The following GSN variants were observed in gnomAD, a reference collection of about 807,000 sequenced individuals.
GSN encodes the protein gelsolin.
Under a neutral mutation model 85.7 loss-of-function variants are expected in GSN, and 56 were observed. The observed-to-expected ratio is 0.65, with a 90% CI of 0.53 to 0.82. The LOEUF (loss-of-function observed/expected upper bound fraction) is 0.82, where lower values mean the gene tolerates loss of function less well. GSN is among the 40% of genes least tolerant of loss of function. GSN has a pLI of 0.00. For missense variants in GSN, 857 were observed against 979.8 expected (o/e 0.87, Z 1.67); for synonymous variants, 373 against 399.1 (o/e 0.93, Z 0.78).
At chr9:121,302,338 C>G (rs2059972680) in intron 3 of GSN, among the ~76,000 whole-genome samples, 171 bp downstream of exon 3, 1 of 152,190 alleles carries the variant, frequency 6.6e-6, no homozygotes, top group South Asian at 2.1e-4. Flanking sequence ...AAGTTCACAC[C>G]CCCACTCTGC....
In GSN at chr9:121,314,054, A is replaced by C. The variant is rs200578389; in HGVS notation, c.753+31A>C. On this transcript the variant is annotated intron_variant, in intron 7 of 17. Transcript: ENST00000432226. ...CACCAGATGCACTGTCTGCCTGGGC[A>C]TGGGGTCAGGACAGGGAGGTGGAAG... The C allele has an allele frequency of 1.0e-3, 1,599 of 1,535,758 alleles. 1 individual carries two copies. Among genetic ancestry groups the C allele is most frequent in the Non-Finnish European group, 1.4e-3 (1,520 of 1,108,108 alleles).
Position 121,301,970 on chromosome 9 carries a change from G to A in GSN, c.-2G>A, listed in dbSNP as rs777717306. On this transcript the variant is annotated 5_prime_UTR_variant, in exon 3 of 18. Transcript: ENST00000432226. ...TGCCCTGTCTCATCCCAGCCCAACA[G>A]CATGGTGGTGGAACACCCCGAGTTC... 6.2e-7 allele frequency: 1 copy of A among 1,614,166 alleles called. No individual in the cohort carries two copies. Among genetic ancestry groups the A allele is most frequent in the Non-Finnish European group, 8.5e-7 (1 of 1,179,996 alleles).
chr9:121,323,317 T>G (rs1013775203), intron 11 of GSN, among the ~76,000 whole-genome samples: 2 of 150,830 alleles, frequency 1.3e-5, no homozygotes, highest in East Asian at 3.9e-4. Flanking sequence ...ATTGACACAA[T>G]ACTACTTACT....
chr9:121,220,582 T>C (rs1395977213), intron 4 of GSN, among the ~76,000 whole-genome samples: 1 of 152,260 alleles, frequency 6.6e-6, no homozygotes, highest in Non-Finnish European at 1.5e-5. Context: ...TTCCAAGGTT[T>C]GGCTAGAATC....
At chr9:121,291,215 G>A (rs2132887281) in intron 2 of GSN, among the ~76,000 whole-genome samples, 1 of 152,108 alleles carries the variant, frequency 6.6e-6, no homozygotes, top group South Asian at 2.1e-4. Context: ...CATTGTATTA[G>A]GTTTTATAAG....
At chr9:121,211,469 T>C (rs924555207) in intron 4 of GSN, among the ~76,000 whole-genome samples, 1 of 152,184 alleles carries the variant, frequency 6.6e-6, no homozygotes. Context: ...ACTATGTAAG[T>C]AGGTGATGGC....
chr9:121,227,754 A>G (rs1293321350), intron 4 of GSN, among the ~76,000 whole-genome samples: 1 of 152,058 alleles, frequency 6.6e-6, no homozygotes, highest in Non-Finnish European at 1.5e-5. Context: ...ATGAGAATAG[A>G]TACACACTTC....
chr9:121,323,873 A>AT (rs2062814731), intron 11 of GSN, among the ~76,000 whole-genome samples: 3 of 152,172 alleles, frequency 2.0e-5, no homozygotes, highest in African/African-American at 7.2e-5. Context: ...AAAACAGCTT[A>AT]ATTTTTTTTT....
chr9:121,277,804 T>G (rs1378267755), intron 1 of GSN, among the ~76,000 whole-genome samples: 1 of 152,208 alleles, frequency 6.6e-6, no homozygotes, highest in East Asian at 1.9e-4. Context: ...TTATAAACAT[T>G]CTTTCTGTAT....
chr9:121,303,075 G>T lies in GSN; in HGVS notation c.351+10G>T. The T allele has an allele frequency of 6.2e-7, 1 of 1,612,156 alleles. No individual in the cohort carries two copies. On this transcript the variant is annotated intron_variant, in intron 4 of 17. Transcript: ENST00000432226. ...TGGCCTGAAGTACAAGGTGGGTTGG[G>T]CCCCACCTTGCTTGAGCGGTAGGGA...
Position 121,299,963 on chromosome 9 carries a change from G to T in GSN, c.-9-2000G>T, listed in dbSNP as rs369326886. ...GCGCGGCCACTGCGTCGCGGGGGGC[G>T]TCCCAGGCGGGGGCGCCCCAGGGGC... On this transcript the variant is annotated intron_variant, in intron 2 of 17. Coordinates refer to ENST00000432226, the MANE Select transcript of GSN (RefSeq NM_198252.3). This position sits in a 1 kb window ranked among gnomAD's most constrained non-coding sequence, Gnocchi z 4.2. The T allele has an allele frequency of 9.8e-5, 127 of 1,293,204 alleles. No individual in the cohort carries two copies. The African/African-American group carries it at 1.8e-3, about 19-fold the overall frequency. The allele number at this position is 1,293,204 out of a possible 1,614,324, so 80.1% of individuals were successfully genotyped here.
chr9:121,310,275 C>T (rs1589043041), intron 4 of GSN: 1 of 299,238 alleles, frequency 3.3e-6, no homozygotes, highest in East Asian at 8.7e-5. Flanking sequence ...GGAACTCTTT[C>T]CTTGCAGAAT....
intron 2 of GSN, among the ~76,000 whole-genome samples, chr9:121,298,497 C>A (rs890146214): frequency 2.0e-5 from 3 of 152,144 alleles, no homozygotes; most frequent in African/African-American, 7.2e-5. Context: ...GCTGGACTTC[C>A]GGAAGAGCTG....
chr9:121,254,865 G>A (rs541198017), intron 6 of GSN, among the ~76,000 whole-genome samples: 1 of 152,314 alleles, frequency 6.6e-6, no homozygotes, highest in African/African-American at 2.4e-5. Context: ...GGGGTGACCA[G>A]TGTTACCAGT....
rs1350375494 is a variant in GSN at position 121,329,090 on chromosome 9, G to T, written c.1887+75G>T. The T allele has an allele frequency of 2.5e-6, 4 of 1,585,928 alleles. No homozygotes were observed. The highest frequency in any genetic ancestry group is 1.7e-5 in the Admixed American group (1 of 58,134). ...TCCACAGGACTGGCCGGCAGCAGGG[G>T]CAGGAGAAACAGTTCTGATGGTGTG... On this transcript the variant is annotated intron_variant, in intron 15 of 17. Transcript: ENST00000432226. This position sits in a 1 kb window ranked among gnomAD's most constrained non-coding sequence, Gnocchi z 4.6.
intron 4 of GSN, among the ~76,000 whole-genome samples, chr9:121,230,737 A>ATG (rs2054371871): frequency 6.6e-6 from 1 of 152,192 alleles, no homozygotes; most frequent in Non-Finnish European, 1.5e-5. Flanking sequence ...GCACATGCTG[A>ATG]TGCTCAATAG....
At chr9:121,286,196 C>G in intron 2 of GSN, 1 of 1,512,260 alleles carries the variant, frequency 6.6e-7, no homozygotes, top group Non-Finnish European at 8.9e-7. Context: ...GTGAGTAGCA[C>G]GGGATCTGGG....
intron 5 of GSN, among the ~76,000 whole-genome samples, chr9:121,243,775 A>T (rs2054649895): frequency 6.6e-6 from 1 of 152,154 alleles, no homozygotes; most frequent in African/African-American, 2.4e-5. Context: ...ACAGGGTTTC[A>T]CCAGGTTGGC....
At chr9:121,288,826 TAG>T (rs1564433461) in intron 2 of GSN, among the ~76,000 whole-genome samples, 1 of 152,172 alleles carries the variant, frequency 6.6e-6, no homozygotes, top group African/African-American at 2.4e-5. Flanking sequence ...GTACATGGTA[TAG>T]AGTCTGTCAC....
Sources: allele counts gnomAD v4.1 joint callset (sites outside exome capture counted in the v4.1 genomes callset), GRCh38; gene constraint gnomAD v4.1.1; non-coding constraint Gnocchi (gnomAD v3.1); transcripts MANE v1.5; gene names NCBI Gene and HGNC (gene_info 2026-07-23, HGNC 2026-07-21).